CSMD1: variants seen among roughly 807,000 people sequenced by gnomAD.
CSMD1 encodes CUB and sushi domain-containing protein 1.
CSMD1 carries 213 observed loss-of-function variants against 417.5 expected under a neutral mutation model. The ratio of observed to expected loss-of-function variants is 0.51; its 90% confidence interval spans 0.46 to 0.57. The LOEUF (loss-of-function observed/expected upper bound fraction) is 0.57. CSMD1 is among the 20% of genes least tolerant of loss of function. CSMD1 has a pLI of 0.00. For missense variants in CSMD1, 6,923 were observed against 4,529.7 expected (o/e 1.53, Z -15.17); for synonymous variants, 2,862 against 1,736.8 (o/e 1.65, Z -16.11).
At chr8:3,946,116 C>T (rs567128748) in intron 5 of CSMD1, among the ~76,000 whole-genome samples, 8 of 152,116 alleles carry the variant, frequency 5.3e-5, no homozygotes, top group Non-Finnish European at 8.8e-5. Context: ...CACCTTGGAA[C>T]TGATTCCATG....
intron 5 of CSMD1, among the ~76,000 whole-genome samples, chr8:3,966,860 C>G (rs1343272470): frequency 6.6e-6 from 1 of 152,196 alleles, no homozygotes. Flanking sequence ...CTCTATTATG[C>G]TGCATACAAC....
chr8:4,879,096 C>G (rs867684416), intron 1 of CSMD1, among the ~76,000 whole-genome samples: 1 of 151,456 alleles, frequency 6.6e-6, no homozygotes, highest in African/African-American at 2.4e-5. Context: ...GCTTTGCAAA[C>G]AAACAAAAAA....
intron 12 of CSMD1, among the ~76,000 whole-genome samples, chr8:3,441,661 G>A (rs933271819): frequency 4.6e-5 from 7 of 151,990 alleles, no homozygotes; most frequent in South Asian, 4.1e-4. Context: ...AATGCATTGC[G>A]CATGTGTTCC....
At position 3,308,573 on chromosome 8, in the gene CSMD1, C is replaced by T. The variant is rs73503707; in HGVS notation, c.3632-70G>A. On this transcript the variant is annotated intron_variant, in intron 23 of 69. Coordinates refer to ENST00000635120, the MANE Select transcript of CSMD1 (RefSeq NM_033225.6). Reference sequence around the variant, plus strand: ...CATCTGCCTTAAAACAGAGATGAAACAAACAAGGTTGCTAAATGCTCCTTG... The same window carrying T: ...CATCTGCCTTAAAACAGAGATGAAATAAACAAGGTTGCTAAATGCTCCTTG... The T allele has an allele frequency of 9.6e-3, 12,305 of 1,281,100 alleles. 879 individuals carry two copies. In the African/African-American group the frequency reaches 0.16, roughly 16 times the overall value. 79.4% of individuals were successfully genotyped at this position (1,281,100 alleles called of 1,614,324 possible).
At chr8:3,826,793 T>G (rs1278988864) in intron 5 of CSMD1, among the ~76,000 whole-genome samples, 1 of 151,998 alleles carries the variant, frequency 6.6e-6, no homozygotes, top group Non-Finnish European at 1.5e-5. Flanking sequence ...TTTTTAATTT[T>G]AATATTTTTT....
chr8:4,085,466 G>T (rs181701822), intron 3 of CSMD1, among the ~76,000 whole-genome samples: 1 of 152,118 alleles, frequency 6.6e-6, no homozygotes, highest in African/African-American at 2.4e-5. Flanking sequence ...GATCATGTTT[G>T]CTGACAGTTT....
chr8:3,496,318 T>A (rs542705403), intron 10 of CSMD1, among the ~76,000 whole-genome samples: 1 of 152,306 alleles, frequency 6.6e-6, no homozygotes, highest in African/African-American at 2.4e-5. Context: ...TTGGTTGGTT[T>A]GCTGTTCTGC....
chr8:3,766,214 C>T (rs996461040), intron 5 of CSMD1, among the ~76,000 whole-genome samples: 4 of 152,166 alleles, frequency 2.6e-5, no homozygotes, highest in African/African-American at 9.7e-5. Context: ...CACAGTGGTG[C>T]GCTTTCTTCT....
intron 2 of CSMD1, among the ~76,000 whole-genome samples, chr8:4,478,452 A>T (rs1800919527): frequency 6.6e-6 from 1 of 152,182 alleles, no homozygotes; most frequent in Non-Finnish European, 1.5e-5. Flanking sequence ...CCTTTAGATA[A>T]AAATTGAATC....
At position 3,308,389 on chromosome 8, in the gene CSMD1, G is replaced by C; in HGVS notation, c.3746C>G (p.Ala1249Gly). ...GGTCAGGGTGTTGCTGCCATGCATG[G>C]CGTACCCCGGGTTGCAACTGTACAG... The part of the protein sequence containing the change: ...VVLYSCNPGY[A>G]MHGSNTLTCL... Residue 1249 changes from alanine (A) to glycine (G), a missense_variant, in exon 24 of 70, where the codon GCC (alanine) becomes GGC (glycine). Ala to Gly is a moderately conservative substitution (Grantham distance 60). Transcript: ENST00000635120. The C allele has an allele frequency of 6.2e-7, 1 of 1,613,818 alleles. No individual in the cohort carries two copies. The highest frequency in any genetic ancestry group is 1.1e-5 in the South Asian group (1 of 91,076).
chr8:3,875,533 GGAA>G (rs1397586742), intron 5 of CSMD1, among the ~76,000 whole-genome samples: 7 of 152,114 alleles, frequency 4.6e-5, no homozygotes, highest in African/African-American at 1.7e-4. Context: ...CAGCCGGCAT[GGAA>G]GAAGGAAAGC....
intron 1 of CSMD1, among the ~76,000 whole-genome samples, chr8:4,878,164 G>C (rs1206905838): frequency 6.6e-6 from 1 of 152,070 alleles, no homozygotes; most frequent in Non-Finnish European, 1.5e-5. Context: ...ATTTTAGAAT[G>C]AGCAGTTTGT....
At chr8:2,993,184 C>T (rs924026522) in intron 54 of CSMD1, among the ~76,000 whole-genome samples, 8 of 152,118 alleles carry the variant, frequency 5.3e-5, no homozygotes, top group African/African-American at 1.4e-4. Context: ...TGAAATTTTA[C>T]GTGCGTTTTA....
chr8:3,375,587 ATATT>A (rs1211684914), intron 18 of CSMD1, among the ~76,000 whole-genome samples: 4 of 152,064 alleles, frequency 2.6e-5, no homozygotes, highest in Non-Finnish European at 5.9e-5. Context: ...TGTTGTTCAC[ATATT>A]TATTTATAAT....
chr8:4,439,190 T>A (rs1208498267), intron 2 of CSMD1, among the ~76,000 whole-genome samples: 4 of 152,224 alleles, frequency 2.6e-5, no homozygotes, highest in Non-Finnish European at 5.9e-5. Flanking sequence ...AGCCATTTTA[T>A]TAAACACATT....
intron 1 of CSMD1, among the ~76,000 whole-genome samples, chr8:4,752,789 G>C (rs1349037701): frequency 2.6e-5 from 4 of 152,164 alleles, no homozygotes; most frequent in African/African-American, 7.2e-5. Context: ...CTAAACAGGA[G>C]AGAAGGCATC....
intron 3 of CSMD1, among the ~76,000 whole-genome samples, chr8:4,362,091 A>G (rs2128908056): frequency 6.6e-6 from 1 of 152,354 alleles, no homozygotes; most frequent in South Asian, 2.1e-4. Context: ...TAATTGATAT[A>G]CAAATGAGAA....
At chr8:3,504,410 G>C (rs1286401570) in intron 10 of CSMD1, among the ~76,000 whole-genome samples, 1 of 152,084 alleles carries the variant, frequency 6.6e-6, no homozygotes, top group Admixed American at 6.5e-5. Flanking sequence ...GGGGATTTCT[G>C]GGATTCAAGA....
At chr8:4,410,291 A>G (rs528628701) in intron 3 of CSMD1, among the ~76,000 whole-genome samples, 3 of 152,340 alleles carry the variant, frequency 2.0e-5, no homozygotes, top group East Asian at 1.9e-4. Flanking sequence ...AGGGAAAACA[A>G]ATTGAGGTAA....
Sources: allele counts gnomAD v4.1 joint callset (sites outside exome capture counted in the v4.1 genomes callset), GRCh38; gene constraint gnomAD v4.1.1; transcripts MANE v1.5; gene names NCBI Gene and HGNC (gene_info 2026-07-23, HGNC 2026-07-21).